Variants in ITGB3BP observed in about 807,000 individuals in gnomAD.
ITGB3BP encodes the protein centromere protein R.
Under a neutral mutation model 29.1 loss-of-function variants are expected in ITGB3BP, and 27 were observed. The observed-to-expected ratio is 0.93, with a 90% CI of 0.68 to 1.28. The LOEUF is 1.28. Among genes scored for constraint, ITGB3BP ranks in the 50% most tolerant of loss-of-function variants. ITGB3BP has a pLI of 0.00. For synonymous variants in ITGB3BP, 61 were observed against 61.4 expected (o/e 0.99, Z 0.03); for missense variants, 192 against 200.2 (o/e 0.96, Z 0.25).
At chr1:63,498,548 G>A (rs1238817926) in intron 2 of ITGB3BP, among the ~76,000 whole-genome samples, 1 of 152,034 alleles carries the variant, frequency 6.6e-6, no homozygotes, top group Admixed American at 6.6e-5. Context: ...TTAATGGGAT[G>A]TAGTGAAAGT....
At chr1:63,446,967 G>A in intron 7 of ITGB3BP, 111 bp from the exon 8 acceptor site, 1 of 767,384 alleles carries the variant, frequency 1.3e-6, no homozygotes. Flanking sequence ...ACAACCTGAA[G>A]TCTTGTTTTA....
intron 2 of ITGB3BP, among the ~76,000 whole-genome samples, chr1:63,503,695 T>C (rs999154067): frequency 6.6e-6 from 1 of 152,186 alleles, no homozygotes; most frequent in Non-Finnish European, 1.5e-5. Flanking sequence ...TTTTATAAGG[T>C]GTAAGGAAGG....
At chr1:63,519,261 T>G (rs1557660041) in intron 1 of ITGB3BP, among the ~76,000 whole-genome samples, 1 of 152,124 alleles carries the variant, frequency 6.6e-6, no homozygotes, top group African/African-American at 2.4e-5. Context: ...AATTAACTTA[T>G]AGTTGGGTAA....
rs55797590 is a variant in ITGB3BP, at chr1:63,471,262, GT to G, written c.254+7501del. Among the ~76,000 whole-genome samples, 891 of 125,340 alleles carry G rather than the reference GT, an allele frequency of 7.1e-3. 5 individuals are homozygous for G. Among genetic ancestry groups the G allele is most frequent in the African/African-American group, 0.025 (819 of 32,572 alleles). 82.2% of individuals were successfully genotyped at this position (125,340 alleles called of 152,430 possible). A position where few individuals can be genotyped will look rare whatever the true frequency, so the allele number is the denominator to read the frequency against. On this transcript the variant is annotated intron_variant, in intron 4 of 8. Transcript: ENST00000271002. ...TAATCCAAGGTCCAGTCCTCTAAAA[GT>G]TTTTTTTTTTTTTTTTTGAGACAGA...
At chr1:63,491,047 C>T (rs1645635054) in intron 2 of ITGB3BP, among the ~76,000 whole-genome samples, 1 of 152,110 alleles carries the variant, frequency 6.6e-6, no homozygotes, top group African/African-American at 2.4e-5. Flanking sequence ...AGTCACTAGG[C>T]TATGTGCATT....
rs555727216 is a variant in ITGB3BP at position 63,506,190 on chromosome 1, G to T, written c.48+2338C>A. ...CTCTAAGGACTTGCTTTATGAATGT[G>T]GGTGCTCCTGTATTGGGTGCATATA... is the stretch of plus-strand genomic sequence containing the variant. On this transcript the variant is annotated intron_variant, in intron 2 of 8. Transcript: ENST00000271002. 2.0e-5 allele frequency among the ~76,000 whole-genome samples: 3 copies of T among 152,246 alleles called. No individual in the cohort carries two copies. In the East Asian group the frequency reaches 5.8e-4, roughly 29 times the overall value.
intron 4 of ITGB3BP, among the ~76,000 whole-genome samples, chr1:63,475,750 C>A (rs1645327270): frequency 6.6e-6 from 1 of 152,046 alleles, no homozygotes; most frequent in African/African-American, 2.4e-5. Flanking sequence ...GTAATCCCAG[C>A]ACTTTAGGAG....
chr1:63,446,941 G>A, intron 7 of ITGB3BP, 85 bp from the exon 8 acceptor site: 1 of 979,016 alleles, frequency 1.0e-6, no homozygotes, highest in Non-Finnish European at 1.6e-6. Context: ...AAATGTTGAA[G>A]CAAAATGAAA....
intron 2 of ITGB3BP, among the ~76,000 whole-genome samples, chr1:63,491,246 C>T (rs1645638811): frequency 6.6e-6 from 1 of 152,112 alleles, no homozygotes; most frequent in African/African-American, 2.4e-5. Flanking sequence ...ACTGATCACC[C>T]ACCAGCACTG....
chr1:63,501,494 G>C (rs1398167917), intron 2 of ITGB3BP, among the ~76,000 whole-genome samples: 1 of 152,074 alleles, frequency 6.6e-6, no homozygotes, highest in Non-Finnish European at 1.5e-5. Context: ...AATAGGTATG[G>C]GGTTTCCTTT....
intron 1 of ITGB3BP, among the ~76,000 whole-genome samples, chr1:63,516,967 C>A (rs984789780): frequency 6.6e-6 from 1 of 151,852 alleles, no homozygotes; most frequent in Non-Finnish European, 1.5e-5. Context: ...TGTAACAAAT[C>A]TGCACATATA....
chr1:63,442,707 T>G (rs1411586213), intron 8 of ITGB3BP: 1 of 152,230 alleles, frequency 6.6e-6, no homozygotes, highest in African/African-American at 2.4e-5. Flanking sequence ...TGATCCTCAT[T>G]GGATGCACAA....
upstream of ITGB3BP, among the ~76,000 whole-genome samples, chr1:63,524,597 G>A (rs1374317455): frequency 6.6e-6 from 1 of 152,166 alleles, no homozygotes; most frequent in Admixed American, 6.5e-5. Flanking sequence ...AATTTATTAG[G>A]TTGGAGATCT....
intron 3 of ITGB3BP, among the ~76,000 whole-genome samples, chr1:63,487,888 C>T (rs751494814): frequency 4.6e-5 from 7 of 152,036 alleles, no homozygotes; most frequent in Non-Finnish European, 7.4e-5. Flanking sequence ...AATGTTATGA[C>T]GGCTACCGGG....
chr1:63,476,308 C>T (rs945182395), intron 4 of ITGB3BP, among the ~76,000 whole-genome samples: 5 of 151,928 alleles, frequency 3.3e-5, no homozygotes, highest in Admixed American at 2.0e-4. Flanking sequence ...GGACCACAGG[C>T]GCCTGCCACC....
chr1:63,474,044 G>A (rs1440590647), intron 4 of ITGB3BP, among the ~76,000 whole-genome samples: 2 of 6,148 alleles, frequency 3.3e-4, no homozygotes, highest in African/African-American at 4.6e-4. Flanking sequence ...CCGCCCGGCC[G>A]GCCGCCCCGT....
chr1:63,444,227 C>G (rs1644761675), intron 8 of ITGB3BP, among the ~76,000 whole-genome samples: 1 of 152,090 alleles, frequency 6.6e-6, no homozygotes, highest in Non-Finnish European at 1.5e-5. Context: ...CAAAGCTATT[C>G]TCAGTACTCT....
In ITGB3BP at chr1:63,505,446, T is replaced by C. The variant is rs182737094; in HGVS notation, c.48+3082A>G. ...GCTAGCAGTCCATCAATTTTGTTGA[T>C]CTTCTCAAAAAACCAGCTACTGGAT... is the stretch of plus-strand genomic sequence containing the variant. On this transcript the variant is annotated intron_variant, in intron 2 of 8. Coordinates refer to ENST00000271002, the MANE Select transcript of ITGB3BP (RefSeq NM_014288.5). 3.9e-3 allele frequency among the ~76,000 whole-genome samples: 601 copies of C among 152,324 alleles called. 4 individuals carry two copies. Among genetic ancestry groups the C allele is most frequent in the African/African-American group, 0.013 (552 of 41,586 alleles).
chr1:63,514,933 A>G, intron 1 of ITGB3BP, among the ~76,000 whole-genome samples: 1 of 122,262 alleles, frequency 8.2e-6, no homozygotes, highest in African/African-American at 3.0e-5. Context: ...TGACAGAGCG[A>G]GACTCTGTCT....
Sources: gnomAD v4.1 joint callset for allele counts (sites outside exome capture counted in the v4.1 genomes callset) on GRCh38, gnomAD v4.1.1 for gene constraint, MANE v1.5 for transcripts, NCBI Gene and HGNC (gene_info 2026-07-23, HGNC 2026-07-21) for gene names.